The following GTF2F2 variants were observed in gnomAD, a reference collection of about 807,000 sequenced individuals.
The protein encoded by GTF2F2 is general transcription factor IIF subunit 2, also known as ATP-dependent helicase GTF2F2.
GTF2F2 carries 23 observed loss-of-function variants against 42.2 expected under a neutral mutation model. That is an observed-to-expected ratio of 0.55 (90% confidence interval 0.39 to 0.77). The LOEUF (loss-of-function observed/expected upper bound fraction) is 0.77. Among genes scored for constraint, GTF2F2 ranks in the 30% least tolerant of loss-of-function variants. GTF2F2 has a pLI of 0.00. For missense variants in GTF2F2, 261 were observed against 287.2 expected (o/e 0.91, Z 0.66); for synonymous variants, 105 against 100.8 (o/e 1.04, Z -0.25).
At chr13:45,188,218 A>G (rs1009350951) in intron 4 of GTF2F2, among the ~76,000 whole-genome samples, 2 of 152,170 alleles carry the variant, frequency 1.3e-5, no homozygotes, top group African/African-American at 4.8e-5. Flanking sequence ...TGCTGATTTT[A>G]TATTGCTGAC....
chr13:45,154,219 T>G (rs1410663602), intron 4 of GTF2F2, among the ~76,000 whole-genome samples: 1 of 152,144 alleles, frequency 6.6e-6, no homozygotes, highest in Admixed American at 6.6e-5. Context: ...ATTTCAGATT[T>G]TTTACATCTT....
At chr13:45,264,702 A>C (rs1415759021) in intron 6 of GTF2F2, among the ~76,000 whole-genome samples, 2 of 152,198 alleles carry the variant, frequency 1.3e-5, no homozygotes, top group South Asian at 2.1e-4. Context: ...TAATTTATTA[A>C]TTTTTACCTT....
At chr13:45,211,586 A>ATT (rs67901676) in intron 5 of GTF2F2, among the ~76,000 whole-genome samples, 7 of 86,676 alleles carry the variant, frequency 8.1e-5, no homozygotes, top group South Asian at 3.0e-4. Context: ...AAAAAAAAAA[A>ATT]TTTTTTTTTT....
intron 6 of GTF2F2, among the ~76,000 whole-genome samples, chr13:45,259,032 A>G (rs867404729): frequency 4.6e-5 from 7 of 152,096 alleles, no homozygotes; most frequent in South Asian, 2.1e-4. Context: ...AAACTTTCTC[A>G]TAAGGAATTC....
chr13:45,238,320 A>C (rs547219868), intron 5 of GTF2F2, among the ~76,000 whole-genome samples: 157 of 152,220 alleles, frequency 1.0e-3, no homozygotes, highest in African/African-American at 3.4e-3. Context: ...GTTTAAGGTG[A>C]TTTTATTTCT....
chr13:45,231,375 G>T (rs143030418), intron 5 of GTF2F2, among the ~76,000 whole-genome samples: 1 of 152,120 alleles, frequency 6.6e-6, no homozygotes, highest in South Asian at 2.1e-4. Flanking sequence ...CAGAGTGCTG[G>T]GATTACAGGC....
At chr13:45,229,944 G>A (rs528678340) in intron 5 of GTF2F2, among the ~76,000 whole-genome samples, 700 of 152,224 alleles carry the variant, frequency 4.6e-3, no homozygotes, top group Non-Finnish European at 7.5e-3. Context: ...GGCCTGGTGC[G>A]GTGACTCACA....
At chr13:45,149,713 A>G in intron 2 of GTF2F2, 57 bp from the exon 3 acceptor site, 2 of 1,443,714 alleles carry the variant, frequency 1.4e-6, no homozygotes, top group Middle Eastern at 2.1e-4. Flanking sequence ...CTTAACTCAC[A>G]TTTGAAAACA....
chr13:45,143,821 G>A (rs1319100563), intron 2 of GTF2F2, among the ~76,000 whole-genome samples: 2 of 152,216 alleles, frequency 1.3e-5, no homozygotes, highest in African/African-American at 2.4e-5. Flanking sequence ...AATAAGATGA[G>A]AGTAACAGCT....
chr13:45,179,551 T>G (rs1872046994), intron 4 of GTF2F2, among the ~76,000 whole-genome samples: 1 of 152,208 alleles, frequency 6.6e-6, no homozygotes, highest in Non-Finnish European at 1.5e-5. Flanking sequence ...ATTTTAATTT[T>G]TTGTGGAAAT....
intron 5 of GTF2F2, among the ~76,000 whole-genome samples, chr13:45,250,838 T>C (rs1009822873): frequency 6.6e-6 from 1 of 152,196 alleles, no homozygotes; most frequent in Non-Finnish European, 1.5e-5. Context: ...TCTAGCTAGT[T>C]GATTTCTCAG....
At chr13:45,180,911 C>A (rs1404053946) in intron 4 of GTF2F2, among the ~76,000 whole-genome samples, 4 of 151,914 alleles carry the variant, frequency 2.6e-5, no homozygotes, top group Non-Finnish European at 5.9e-5. Context: ...CCTATAATCC[C>A]AGCACTTTGG....
At chr13:45,138,908 A>G (rs1869773579) in intron 2 of GTF2F2, among the ~76,000 whole-genome samples, 1 of 152,184 alleles carries the variant, frequency 6.6e-6, no homozygotes, top group African/African-American at 2.4e-5. Flanking sequence ...GGCCTCCTAA[A>G]GTGCTGGGAT....
At chr13:45,139,628 T>C (rs1869820027) in intron 2 of GTF2F2, among the ~76,000 whole-genome samples, 1 of 152,226 alleles carries the variant, frequency 6.6e-6, no homozygotes, top group Non-Finnish European at 1.5e-5. Flanking sequence ...CCTCTTATTA[T>C]TCACTGTTCT....
At chr13:45,148,493 T>G (rs1044341150) in intron 2 of GTF2F2, among the ~76,000 whole-genome samples, 5 of 152,178 alleles carry the variant, frequency 3.3e-5, no homozygotes, top group African/African-American at 1.2e-4. Context: ...GGTACTGTAT[T>G]TCCCCACTTC....
chr13:45,225,526 G>A (rs1938201944), intron 5 of GTF2F2, among the ~76,000 whole-genome samples: 1 of 151,004 alleles, frequency 6.6e-6, no homozygotes, highest in Admixed American at 6.6e-5. Flanking sequence ...GCTGAGGCAG[G>A]AGAATTGCTT....
intron 4 of GTF2F2, among the ~76,000 whole-genome samples, chr13:45,189,801 A>G (rs1329340901): frequency 6.6e-6 from 1 of 152,258 alleles, no homozygotes; most frequent in Non-Finnish European, 1.5e-5. Flanking sequence ...GCAGTCAAAA[A>G]TCAATGGGTT....
chr13:45,169,969 G>A (rs1320651528), intron 4 of GTF2F2, among the ~76,000 whole-genome samples: 2 of 152,114 alleles, frequency 1.3e-5, no homozygotes. Context: ...ACAAACCAGA[G>A]AGTTATAGTT....
chr13:45,240,225 G>T (rs911172762), intron 5 of GTF2F2, among the ~76,000 whole-genome samples: 32 of 151,196 alleles, frequency 2.1e-4, no homozygotes, highest in Admixed American at 1.5e-3. Context: ...ATGGGAGCAT[G>T]GGGATGGAAG....
Sources: allele counts gnomAD v4.1 joint callset (sites outside exome capture counted in the v4.1 genomes callset), GRCh38; gene constraint gnomAD v4.1.1; transcripts MANE v1.5; gene names NCBI Gene and HGNC (gene_info 2026-07-23, HGNC 2026-07-21).